Variants in ATP6V1B2 observed in about 807,000 individuals in gnomAD.
ATP6V1B2 encodes the protein V-type proton ATPase subunit B, brain isoform.
ATP6V1B2 carries 23 observed loss-of-function variants against 66.7 expected under a neutral mutation model. The observed-to-expected ratio is 0.34, with a 90% CI of 0.25 to 0.49. The LOEUF (loss-of-function observed/expected upper bound fraction) is 0.49, where lower values mean the gene tolerates loss of function less well. Among genes scored for constraint, ATP6V1B2 ranks in the 20% least tolerant of loss-of-function variants. ATP6V1B2 has a pLI of 0.99. For synonymous variants in ATP6V1B2, 278 were observed against 236.7 expected (o/e 1.17, Z -1.60); for missense variants, 478 against 650.8 (o/e 0.73, Z 2.89).
intron 13 of ATP6V1B2, 74 bp from the exon 14 acceptor site, chr8:20,220,189 T>C: frequency 6.6e-7 from 1 of 1,512,086 alleles, no homozygotes; most frequent in Non-Finnish European, 8.9e-7. Context: ...GCTAGTCATA[T>C]AACAATACAT....
intron 3 of ATP6V1B2, 76 bp from the exon 4 acceptor site, chr8:20,210,270 T>G (rs1175099893): frequency 3.2e-6 from 4 of 1,266,736 alleles, no homozygotes; most frequent in Non-Finnish European, 4.5e-6. Context: ...TAAGGGCTGT[T>G]TAACAGACAA....
chr8:20,197,640 G>C (rs2072642447), intron 1 of ATP6V1B2, 98 bp downstream of exon 1: 1 of 1,267,476 alleles, frequency 7.9e-7, no homozygotes. Context: ...GGTAGGATTT[G>C]TTTTTCCCTC....
At chr8:20,216,313 T>C in intron 10 of ATP6V1B2, 100 bp from the exon 11 acceptor site, 1 of 950,098 alleles carries the variant, frequency 1.1e-6, no homozygotes, top group Non-Finnish European at 1.7e-6. Flanking sequence ...TTACAGGTAG[T>C]ACAGAGGGAC....
In ATP6V1B2 at chr8:20,212,762, G is replaced by A. The variant is rs982533455; in HGVS notation, c.804-20G>A. The A allele has an allele frequency of 1.2e-6, 2 of 1,611,414 alleles. No homozygotes were observed. The highest frequency in any genetic ancestry group is 1.7e-6 in the Non-Finnish European group (2 of 1,179,120). ...TGGTCTTTTGGTTTGAGTGGCCTAA[G>A]ACTTAATGTTCCCTTTCAGCATTGA... On this transcript the variant is annotated intron_variant, in intron 8 of 13. Coordinates refer to ENST00000276390, the MANE Select transcript of ATP6V1B2 (RefSeq NM_001693.4).
In ATP6V1B2 at chr8:20,197,418, G is replaced by C. The variant is rs754928790; in HGVS notation, c.12G>C (p.Arg4=). The change falls in exon 1 of 14, where the codon CGG becomes CGC. Residue 4 remains arginine, a synonymous_variant. Transcript: ENST00000276390. ...ACAGAGGAGACAAGATGGCGCTGCGGGCGATGCGGGGGATTGTCAACGGGG... is the reference window on the plus strand; with the variant it reads ...ACAGAGGAGACAAGATGGCGCTGCGCGCGATGCGGGGGATTGTCAACGGGG... MAL[R]AMRGIVNGAA... is the part of the protein sequence containing the mutation. The C allele has an allele frequency of 7.1e-6, 11 of 1,543,680 alleles. No homozygotes were observed. The highest frequency in any genetic ancestry group is 5.8e-5 in the Admixed American group (3 of 51,332).
intron 1 of ATP6V1B2, among the ~76,000 whole-genome samples, chr8:20,197,937 C>T (rs1396636605): frequency 6.6e-6 from 1 of 152,202 alleles, no homozygotes; most frequent in African/African-American, 2.4e-5. Context: ...GCCCCTTCTC[C>T]CCTCCCCCTG....
Position 20,209,209 on chromosome 8 carries a change from C to A in ATP6V1B2, c.193-224C>A, listed in dbSNP as rs140929506. Among the ~76,000 whole-genome samples, 918 of 152,128 alleles carry A rather than the reference C, an allele frequency of 6.0e-3. 6 individuals carry two copies. The highest frequency in any genetic ancestry group is 0.021 in the African/African-American group (853 of 41,490). ...TCCCATGTTTTCATGGATTTAAGAC[C>A]CTTCTTCTGTACCTTATGCTTTGTT... On this transcript the variant is annotated intron_variant, in intron 2 of 13. Transcript: ENST00000276390.
chr8:20,199,498 CAACT>C (rs1174677140), intron 1 of ATP6V1B2, among the ~76,000 whole-genome samples: 2 of 151,790 alleles, frequency 1.3e-5, no homozygotes, highest in African/African-American at 2.4e-5. Context: ...CTTAGGCTAA[CAACT>C]AACAGCATTT....
chr8:20,217,342 A>C lies in ATP6V1B2; in HGVS notation c.1266+18A>C. On this transcript the variant is annotated intron_variant, in intron 12 of 13. Coordinates refer to ENST00000276390, the MANE Select transcript of ATP6V1B2 (RefSeq NM_001693.4). ...ACCAGCTAGTATGTACATTCTTCTAAGAATGGTGTTTGAAAATATGGATAC... is the reference window on the plus strand; with the variant it reads ...ACCAGCTAGTATGTACATTCTTCTACGAATGGTGTTTGAAAATATGGATAC... 1 of 1,585,318 alleles carries C rather than the reference A, an allele frequency of 6.3e-7. No homozygotes were observed.
intron 11 of ATP6V1B2, 162 bp downstream of exon 11, chr8:20,216,657 G>C: frequency 1.7e-6 from 1 of 583,688 alleles, no homozygotes; most frequent in Non-Finnish European, 2.9e-6. Context: ...TTAAATTCTG[G>C]TGTCGGCAGA....
rs2072897470 is a variant in ATP6V1B2 at position 20,220,534 on chromosome 8, T to A, written c.*132T>A. On this transcript the variant is annotated 3_prime_UTR_variant, in exon 14 of 14. Coordinates refer to ENST00000276390, the MANE Select transcript of ATP6V1B2 (RefSeq NM_001693.4). ...CCTGTAATTAAAAACAAAGAATAGGTAACATATTGTGCCAGTGTTGCAACG... is the reference window on the plus strand; with the variant it reads ...CCTGTAATTAAAAACAAAGAATAGGAAACATATTGTGCCAGTGTTGCAACG... 7.0e-6 allele frequency: 9 copies of A among 1,281,054 alleles called. No individual in the cohort carries two copies. The South Asian group carries it at 1.3e-4, about 18-fold the overall frequency. The allele number at this position is 1,281,054 out of a possible 1,614,324, so 79.4% of individuals were successfully genotyped here.
intron 6 of ATP6V1B2, 79 bp downstream of exon 6, chr8:20,211,395 A>G (rs1213806852): frequency 6.5e-7 from 1 of 1,540,740 alleles, no homozygotes; most frequent in African/African-American, 1.4e-5. Flanking sequence ...GAGAAACCGA[A>G]TAAAGGGTTT....
chr8:20,219,046 T>C (rs1162837724), intron 13 of ATP6V1B2, among the ~76,000 whole-genome samples: 1 of 152,274 alleles, frequency 6.6e-6, no homozygotes, highest in Non-Finnish European at 1.5e-5. Flanking sequence ...TAATTTGTGT[T>C]GTTTTCTTTT....
chr8:20,205,229 C>T (rs1020243472), intron 2 of ATP6V1B2, among the ~76,000 whole-genome samples: 1 of 152,024 alleles, frequency 6.6e-6, no homozygotes, highest in Non-Finnish European at 1.5e-5. Flanking sequence ...GTGAAATAAA[C>T]TTTTGGACTC....
intron 13 of ATP6V1B2, 134 bp from the exon 14 acceptor site, chr8:20,220,129 T>G (rs893206871): frequency 7.2e-5 from 63 of 872,458 alleles, no homozygotes; most frequent in Non-Finnish European, 3.6e-5. Flanking sequence ...TCCTTCTCAT[T>G]TAGTCTTGGG....
chr8:20,207,226 C>A (rs1180375076), intron 2 of ATP6V1B2, among the ~76,000 whole-genome samples: 1 of 152,092 alleles, frequency 6.6e-6, no homozygotes, highest in Non-Finnish European at 1.5e-5. Context: ...GGATTTGGTT[C>A]AGTAATAAGC....
At chr8:20,198,390 G>C (rs558807394) in intron 1 of ATP6V1B2, among the ~76,000 whole-genome samples, 20 of 152,296 alleles carry the variant, frequency 1.3e-4, no homozygotes, top group African/African-American at 4.8e-4. Context: ...GTGTGCATAG[G>C]CTTGTTTAAA....
chr8:20,220,264 T>C lies in ATP6V1B2; in HGVS notation c.1398T>C (p.Gly466=). The change falls in exon 14 of 14, where the codon GGT becomes GGC. Residue 466 remains glycine (G), a splice_region_variant and synonymous_variant. Transcript: ENST00000276390. ...TTAATTCAATCTCAATTTTTTAAGG[T>C]CCTTACGAAAATCGCACTGTCTTTG... The part of the protein sequence containing the change: ...QKFERNFIAQ[G]PYENRTVFET... 1 of 1,601,822 alleles carries C rather than the reference T, an allele frequency of 6.2e-7. No individual in the cohort carries two copies.
Position 20,197,452 on chromosome 8 carries a change from G to C in ATP6V1B2, c.46G>C (p.Glu16Gln), listed in dbSNP as rs1585242471. The C allele has an allele frequency of 1.3e-6, 2 of 1,542,006 alleles. No homozygotes were observed. Among genetic ancestry groups the C allele is most frequent in the East Asian group, 2.6e-5 (1 of 37,884 alleles). The change falls in exon 1 of 14, where the codon GAG becomes CAG. Residue 16 changes from glutamate (E) to glutamine (Q), a missense_variant. By Grantham distance (29) the Glu-to-Gln change is conservative. Around this residue, in one of 2 missense-constraint regions of ATP6V1B2, gnomAD observed 152 missense variants for 105.2 expected, o/e 1.44. Transcript: ENST00000276390. Reference protein sequence around the residue: ...MRGIVNGAAPELPVPTGGPAV... With the variant: ...MRGIVNGAAPQLPVPTGGPAV... ...GGGGATTGTCAACGGGGCCGCACCC[G>C]AGCTACCCGTGCCCACCGGTGGGCC... is the stretch of plus-strand genomic sequence containing the variant.
Sources: allele counts gnomAD v4.1 joint callset (sites outside exome capture counted in the v4.1 genomes callset), GRCh38; gene constraint gnomAD v4.1.1; regional missense constraint gnomAD v4.1.1; transcripts MANE v1.5; gene names NCBI Gene and HGNC (gene_info 2026-07-23, HGNC 2026-07-21).